Variants in RIPOR2 observed in about 807,000 individuals in gnomAD.
RIPOR2 encodes rho family-interacting cell polarization regulator 2.
RIPOR2 carries 39 observed loss-of-function variants against 114.5 expected under a neutral mutation model. That is an observed-to-expected ratio of 0.34 (90% CI 0.26 to 0.44). The LOEUF is 0.44. Among genes scored for constraint, RIPOR2 ranks in the 20% least tolerant of loss-of-function variants. The pLI is 1.00. For synonymous variants in RIPOR2, 445 were observed against 484.4 expected (o/e 0.92, Z 1.07); for missense variants, 1,007 against 1,255.1 (o/e 0.80, Z 2.99).
At chr6:24,920,946 T>C (rs1375209642) in intron 1 of RIPOR2, among the ~76,000 whole-genome samples, 8 of 152,198 alleles carry the variant, frequency 5.3e-5, no homozygotes, top group Admixed American at 4.6e-4. Flanking sequence ...TTCTGGAATA[T>C]GTCAGTAGTC....
chr6:24,914,440 G>A (rs141140033), intron 1 of RIPOR2, among the ~76,000 whole-genome samples: 2,967 of 152,330 alleles, frequency 0.019, 39 homozygotes, highest in Non-Finnish European at 0.03. Flanking sequence ...ACTCTGCTAA[G>A]GGCCGGAGGT....
At chr6:24,809,681 GCAAA>G (rs1223429773) in intron 21 of RIPOR2, 32 bp downstream of exon 21, 10 of 1,365,846 alleles carry the variant, frequency 7.3e-6, no homozygotes, top group African/African-American at 2.9e-5. Context: ...AGTGCCAGAA[GCAAA>G]CAATCATGTA....
intron 10 of RIPOR2, 112 bp downstream of exon 10, chr6:24,850,485 G>A: frequency 1.8e-6 from 2 of 1,139,582 alleles, no homozygotes; most frequent in Non-Finnish European, 2.6e-6. Flanking sequence ...GACTTGTGCA[G>A]AAAAGTCTGT....
chr6:24,840,805 A>C (rs1697866268), intron 13 of RIPOR2: 1 of 1,533,706 alleles, frequency 6.5e-7, no homozygotes, highest in Non-Finnish European at 8.7e-7. Context: ...AGAAAAGAGA[A>C]AGCTTTGTCC....
intron 1 of RIPOR2, among the ~76,000 whole-genome samples, chr6:24,934,022 T>G (rs544637126): frequency 6.6e-6 from 1 of 152,168 alleles, no homozygotes; most frequent in Admixed American, 6.5e-5. Context: ...CAGAGTGCAG[T>G]GCATCAGCCT....
At chr6:24,861,798 T>C (rs1764095206) in intron 7 of RIPOR2, among the ~76,000 whole-genome samples, 1 of 152,232 alleles carries the variant, frequency 6.6e-6, no homozygotes, top group Non-Finnish European at 1.5e-5. Flanking sequence ...GATTTGATCA[T>C]ATGAGAGAGA....
chr6:24,809,245 T>C (rs1780977758), intron 21 of RIPOR2, among the ~76,000 whole-genome samples: 1 of 152,200 alleles, frequency 6.6e-6, no homozygotes, highest in African/African-American at 2.4e-5. Flanking sequence ...AGGGCTCAGA[T>C]GGGCAGAGGC....
chr6:24,864,459 C>T (rs770564801), intron 7 of RIPOR2, among the ~76,000 whole-genome samples: 1 of 152,192 alleles, frequency 6.6e-6, no homozygotes, highest in Non-Finnish European at 1.5e-5. Flanking sequence ...AGGGATCCTA[C>T]TGACAGTCAT....
intron 20 of RIPOR2, among the ~76,000 whole-genome samples, chr6:24,811,657 C>CTTTTTTTTT (rs1222503239): frequency 4.6e-5 from 1 of 21,730 alleles, no homozygotes; most frequent in African/African-American, 8.4e-5. Flanking sequence ...TCGTTTAGTA[C>CTTTTTTTTT]TTTTTTTTTT....
rs530171981 is a variant in RIPOR2 at position 24,840,068 on chromosome 6, G to T, written c.1858-796C>A. 2.7e-5 allele frequency: 20 copies of T among 743,038 alleles called. No homozygotes were observed. In the East Asian group the frequency reaches 5.2e-4, roughly 19 times the overall value. The allele number at this position is 743,038 out of a possible 1,614,324, so 46.0% of individuals were successfully genotyped here. A position where few individuals can be genotyped will look rare whatever the true frequency, so the allele number is the denominator to read the frequency against. On this transcript the variant is annotated intron_variant, in intron 13 of 21. Transcript: ENST00000643898. The stretch of plus-strand genomic sequence containing the variant: ...GGGCTTAAGCAATCCTCTCACCTTA[G>T]CCTCCCAGGTAGCTGAGACCACAGG...
chr6:24,938,308 T>C (rs1049400197), upstream of RIPOR2, among the ~76,000 whole-genome samples: 1 of 152,046 alleles, frequency 6.6e-6, no homozygotes, highest in African/African-American at 2.4e-5. Context: ...TAAACCACCA[T>C]GAGCTAGGGG....
intron 19 of RIPOR2, among the ~76,000 whole-genome samples, chr6:24,823,226 T>A (rs1441129464): frequency 6.6e-6 from 1 of 152,180 alleles, no homozygotes; most frequent in Non-Finnish European, 1.5e-5. Flanking sequence ...TTGCATCTAG[T>A]TTTAAGAACT....
intron 1 of RIPOR2, among the ~76,000 whole-genome samples, chr6:25,009,146 C>T (rs551251221): frequency 2.4e-4 from 37 of 152,234 alleles, no homozygotes; most frequent in Admixed American, 3.3e-4. Flanking sequence ...ATGTTGGTCT[C>T]GTGGGGAAAG....
chr6:24,865,174 TA>T, intron 7 of RIPOR2, 126 bp downstream of exon 7: 1 of 749,436 alleles, frequency 1.3e-6, no homozygotes, highest in Non-Finnish European at 2.1e-6. Flanking sequence ...AGGCTAACAG[TA>T]AAACCTATCT....
intron 1 of RIPOR2, chr6:25,014,968 C>T (rs970958698): frequency 2.6e-5 from 4 of 151,664 alleles, no homozygotes; most frequent in Non-Finnish European, 5.9e-5. Context: ...AGAACATAGG[C>T]AGTCACAGTG....
At chr6:24,820,266 T>C (rs9348647) in intron 19 of RIPOR2, among the ~76,000 whole-genome samples, 45,864 of 151,832 alleles carry the variant, frequency 0.3, 7,839 homozygotes, top group East Asian at 0.69. Flanking sequence ...CTCCTGACCT[T>C]GTGATCCGTC....
intron 1 of RIPOR2, among the ~76,000 whole-genome samples, chr6:24,954,785 G>T (rs1482850015): frequency 6.6e-6 from 1 of 152,068 alleles, no homozygotes; most frequent in Non-Finnish European, 1.5e-5. Flanking sequence ...TCATGGCAAA[G>T]AAATAAACAG....
rs369055387 is a variant in RIPOR2, at chr6:24,825,137, T to G, written c.2868+89A>C. The G allele has an allele frequency of 1.0e-5, 10 of 981,854 alleles. No individual in the cohort carries two copies. In the African/African-American group the frequency reaches 1.6e-4, roughly 16 times the overall value. The allele number at this position is 981,854 out of a possible 1,614,324, so 60.8% of individuals were successfully genotyped here. ...TTATTAATACGCAGAAAAATTATTT[T>G]TATAAAGGAATAAATGCTAAAATAT... On this transcript the variant is annotated intron_variant, in intron 19 of 21. Coordinates refer to ENST00000643898, the MANE Select transcript of RIPOR2 (RefSeq NM_001286445.3).
In RIPOR2 at chr6:24,818,639, A is replaced by T; in HGVS notation, c.2869-14T>A. 6.5e-7 allele frequency: 1 copy of T among 1,527,774 alleles called. No individual in the cohort carries two copies. The highest frequency in any genetic ancestry group is 8.9e-7 in the Non-Finnish European group (1 of 1,129,608). 94.6% of individuals were successfully genotyped at this position (1,527,774 alleles called of 1,614,324 possible). A position where few individuals can be genotyped will look rare whatever the true frequency, so the allele number is the denominator to read the frequency against. On this transcript the variant is annotated splice_polypyrimidine_tract_variant and intron_variant, in intron 19 of 21. Coordinates refer to ENST00000643898, the MANE Select transcript of RIPOR2 (RefSeq NM_001286445.3). ...ATAGAGCAAGGCCTGAAAGAGAAGG[A>T]GGGACCTCATGAAGGCATTTTGGTT...
Sources: gnomAD v4.1 joint callset for allele counts (sites outside exome capture counted in the v4.1 genomes callset) on GRCh38, gnomAD v4.1.1 for gene constraint, MANE v1.5 for transcripts, NCBI Gene and HGNC (gene_info 2026-07-23, HGNC 2026-07-21) for gene names.